Variants in AQR observed in about 807,000 individuals in gnomAD.
The protein encoded by AQR is aquarius intron-binding spliceosomal factor.
In AQR, 61 loss-of-function variants were observed where a neutral mutation model predicts 180.5. The ratio of observed to expected loss-of-function variants is 0.34; its 90% CI spans 0.28 to 0.42. AQR has a LOEUF of 0.42. Among genes scored for constraint, AQR ranks in the 10% least tolerant of loss-of-function variants. The pLI, the probability that AQR is intolerant of heterozygous loss-of-function variation, is 1.00. For synonymous variants in AQR, 551 were observed against 588.8 expected (o/e 0.94, Z 0.93); for missense variants, 1,281 against 1,798.3 (o/e 0.71, Z 5.20).
At chr15:34,923,590 AT>A (rs1893713574) in intron 13 of AQR, among the ~76,000 whole-genome samples, 1 of 152,150 alleles carries the variant, frequency 6.6e-6, no homozygotes, top group African/African-American at 2.4e-5. Context: ...CTATAATCCG[AT>A]TTGAGTTAAT....
intron 16 of AQR, among the ~76,000 whole-genome samples, chr15:34,911,765 C>A (rs1018381979): frequency 3.9e-5 from 6 of 152,056 alleles, no homozygotes; most frequent in Non-Finnish European, 7.4e-5. Flanking sequence ...TTGACTGTTT[C>A]CTTTGCTGTA....
chr15:34,938,647 CA>C, intron 9 of AQR, 89 bp downstream of exon 9: 1 of 835,492 alleles, frequency 1.2e-6, no homozygotes, highest in Admixed American at 2.3e-5. Flanking sequence ...AAAATCATTC[CA>C]AGAACAGTTT....
chr15:34,941,919 A>G, intron 7 of AQR, 93 bp downstream of exon 7: 1 of 903,630 alleles, frequency 1.1e-6, no homozygotes, highest in Non-Finnish European at 1.6e-6. Context: ...GTATTTAGCT[A>G]CCACTTGTAT....
At chr15:34,943,369 A>C in intron 6 of AQR, 2 of 1,443,468 alleles carry the variant, frequency 1.4e-6, no homozygotes, top group Non-Finnish European at 1.9e-6. Context: ...GGAGATAAGA[A>C]GAGAAAGGGC....
chr15:34,926,819 G>A (rs1893771991), intron 13 of AQR, among the ~76,000 whole-genome samples: 1 of 152,102 alleles, frequency 6.6e-6, no homozygotes, highest in Non-Finnish European at 1.5e-5. Context: ...GAAGAAAATT[G>A]TATACGTCAT....
At chr15:34,897,022 C>T (rs1893256360) in intron 21 of AQR, 56 bp from the exon 22 acceptor site, 1 of 1,369,238 alleles carries the variant, frequency 7.3e-7, no homozygotes, top group Non-Finnish European at 1.0e-6. Context: ...TTGTATAATA[C>T]AAATTTAGAC....
intron 11 of AQR, among the ~76,000 whole-genome samples, chr15:34,931,518 A>G (rs985974919): frequency 1.3e-5 from 2 of 152,126 alleles, no homozygotes; most frequent in African/African-American, 4.8e-5. Flanking sequence ...GTTAAAAATG[A>G]TTTCTCCTGC....
intron 31 of AQR, chr15:34,869,273 A>G (rs1892781248): frequency 6.6e-6 from 1 of 152,080 alleles, no homozygotes; most frequent in Non-Finnish European, 1.5e-5. Context: ...GATGGTAAGC[A>G]CTTTTTCATG....
At chr15:34,945,791 C>A (rs1402995854) in intron 5 of AQR, among the ~76,000 whole-genome samples, 1 of 152,106 alleles carries the variant, frequency 6.6e-6, no homozygotes, top group African/African-American at 2.4e-5. Flanking sequence ...GGCATCCATT[C>A]CTTTTTTTCA....
chr15:34,873,936 C>A lies in AQR; in HGVS notation c.3489G>T (p.Leu1163Phe). Residue 1163 changes from leucine (L) to phenylalanine (F), a missense_variant, in exon 30 of 35, where the codon TTG (leucine) becomes TTT (phenylalanine). Leu to Phe is a conservative substitution (Grantham distance 22, BLOSUM62 0). This residue lies in a region of AQR where 197 missense variants were observed against 320.7 expected (regional missense o/e 0.61). Transcript: ENST00000156471. ...NLGNLPHVQL[L>F]PEFSTANAGL... ...CAGCATTTGCTGTACTAAACTCTGG[C>A]AAGAGCTGCACATGGGGTAAGTTTC... 2 of 1,612,406 alleles carry A rather than the reference C, an allele frequency of 1.2e-6. No homozygotes were observed. Among genetic ancestry groups the A allele is most frequent in the Non-Finnish European group, 1.7e-6 (2 of 1,179,026 alleles).
At chr15:34,862,594 C>T (rs112720560) in intron 33 of AQR, among the ~76,000 whole-genome samples, 90 of 152,134 alleles carry the variant, frequency 5.9e-4, no homozygotes, top group African/African-American at 1.7e-3. Context: ...GACAAGGTCT[C>T]ACTATGTTGC....
chr15:34,920,265 A>G, intron 14 of AQR, 67 bp downstream of exon 14: 1 of 1,151,094 alleles, frequency 8.7e-7, no homozygotes, highest in Non-Finnish European at 1.3e-6. Flanking sequence ...ATGAACCTAC[A>G]TCTTTAAGAA....
rs1333309430 is a variant in AQR at position 34,855,520 on chromosome 15, TAA to T, written c.*1270_*1271del. On this transcript the variant is annotated 3_prime_UTR_variant, in exon 35 of 35. Transcript: ENST00000156471. The stretch of plus-strand genomic sequence containing the variant: ...CAATTTTCCCCTCTACACATACATA[TAA>T]ACATTTCCTTTTTTTTTTTTTTTTT... The T allele has an allele frequency of 7.2e-6, 1 of 138,578 alleles. No homozygotes were observed. Among genetic ancestry groups the T allele is most frequent in the African/African-American group, 2.6e-5 (1 of 37,842 alleles). The allele number at this position is 138,578 out of a possible 1,614,324, so 8.6% of individuals were successfully genotyped here.
At chr15:34,927,490 A>G (rs1893782074) in intron 12 of AQR, among the ~76,000 whole-genome samples, 1 of 152,246 alleles carries the variant, frequency 6.6e-6, no homozygotes, top group South Asian at 2.1e-4. Flanking sequence ...GACTAAAAGA[A>G]AGTCCCAAGG....
intron 20 of AQR, among the ~76,000 whole-genome samples, chr15:34,898,152 G>A (rs956849985): frequency 1.3e-5 from 2 of 152,104 alleles, no homozygotes; most frequent in Non-Finnish European, 2.9e-5. Context: ...CTGGGCATAG[G>A]GTAGAGAAAA....
rs1200706142 is a variant in AQR, at chr15:34,855,428, G to A, written c.*1364C>T. 1.3e-5 allele frequency: 2 copies of A among 152,260 alleles called. No homozygotes were observed. Among genetic ancestry groups the A allele is most frequent in the South Asian group, 2.1e-4 (1 of 4,822 alleles). 9.4% of individuals were successfully genotyped at this position (152,260 alleles called of 1,614,324 possible). Reference sequence around the variant, plus strand: ...GATGCACTAGAGGAGACATTCTGGGGTAAATGCTCCCCTCCCCTTTAGATA... The same window carrying A: ...GATGCACTAGAGGAGACATTCTGGGATAAATGCTCCCCTCCCCTTTAGATA... On this transcript the variant is annotated 3_prime_UTR_variant, in exon 35 of 35. Coordinates refer to ENST00000156471, the MANE Select transcript of AQR (RefSeq NM_014691.3).
At chr15:34,919,217 G>A (rs1185250850) in intron 14 of AQR, among the ~76,000 whole-genome samples, 1 of 148,434 alleles carries the variant, frequency 6.7e-6, no homozygotes, top group Non-Finnish European at 1.5e-5. Flanking sequence ...CCAGCCTGGG[G>A]GACAGAGTGA....
At chr15:34,913,090 A>G (rs1275436399) in intron 16 of AQR, among the ~76,000 whole-genome samples, 2 of 152,192 alleles carry the variant, frequency 1.3e-5, no homozygotes, top group African/African-American at 4.8e-5. Flanking sequence ...ATACAAGTCC[A>G]TAGTTCTCAG....
At chr15:34,914,943 G>A (rs1452067712) in intron 16 of AQR, 95 bp downstream of exon 16, 13 of 1,323,990 alleles carry the variant, frequency 9.8e-6, no homozygotes, top group South Asian at 1.7e-5. Context: ...TTTTGTCTCA[G>A]TATATTATTT....
Sources: gnomAD v4.1 joint callset for allele counts (sites outside exome capture counted in the v4.1 genomes callset) on GRCh38, gnomAD v4.1.1 for gene constraint, gnomAD v4.1.1 regional missense constraint, MANE v1.5 for transcripts, NCBI Gene and HGNC (gene_info 2026-07-23, HGNC 2026-07-21) for gene names.